Variants in BRINP2 observed in about 807,000 individuals in gnomAD.
The protein encoded by BRINP2 is BMP/retinoic acid inducible neural specific 2, also known as BMP/retinoic acid-inducible neural-specific protein 2.
A neutral mutation model predicts 69.2 loss-of-function variants in BRINP2; 21 were observed. The observed-to-expected ratio is 0.30, with a 90% CI of 0.22 to 0.44. The LOEUF is 0.44. Ranked by LOEUF, BRINP2 falls within the 20% of genes least tolerant of loss-of-function variation. BRINP2 has a pLI of 1.00. For missense variants in BRINP2, 877 were observed against 986.0 expected (o/e 0.89, Z 1.48); for synonymous variants, 380 against 394.1 (o/e 0.96, Z 0.42).
intron 4 of BRINP2, among the ~76,000 whole-genome samples, chr1:177,266,530 A>C (rs899075292): frequency 7.2e-5 from 11 of 151,796 alleles, no homozygotes; most frequent in Admixed American, 3.3e-4. Flanking sequence ...GAGGCCGAGG[A>C]GGGCGGATCA....
chr1:177,209,729 C>G (rs1248289751), intron 1 of BRINP2, among the ~76,000 whole-genome samples: 1 of 151,692 alleles, frequency 6.6e-6, no homozygotes, highest in East Asian at 1.9e-4. Context: ...AGCTAACACT[C>G]AGGTCTCACT....
intron 1 of BRINP2, among the ~76,000 whole-genome samples, chr1:177,219,590 T>C (rs549806887): frequency 2.6e-5 from 4 of 152,352 alleles, no homozygotes; most frequent in Admixed American, 6.5e-5. Context: ...CTGTAACATC[T>C]CAGGAGCTCT....
intron 1 of BRINP2, among the ~76,000 whole-genome samples, chr1:177,219,483 G>C (rs1443882268): frequency 6.6e-6 from 1 of 152,202 alleles, no homozygotes; most frequent in Non-Finnish European, 1.5e-5. Context: ...TAGAGTTTGT[G>C]ATGTAGCATC....
rs777525591 is a variant in BRINP2 at position 177,280,641 on chromosome 1, G to C, written c.1465G>C (p.Gly489Arg). The C allele has an allele frequency of 6.2e-7, 1 of 1,614,200 alleles. No individual in the cohort carries two copies. Among genetic ancestry groups the C allele is most frequent in the Non-Finnish European group, 8.5e-7 (1 of 1,180,032 alleles). Residue 489 changes from glycine (G) to arginine (R), a missense_variant, in exon 8 of 8, where the codon GGG (glycine) becomes CGG (arginine). This residue lies in a region of BRINP2 where 566 missense variants were observed against 625.2 expected (regional missense o/e 0.91). Coordinates refer to ENST00000361539, the MANE Select transcript of BRINP2 (RefSeq NM_021165.4). Reference protein sequence around the residue: ...SCNPGYVLAQGLCRPEVAESL... With the variant: ...SCNPGYVLAQRLCRPEVAESL... Reference sequence around the variant, plus strand: ...CAACCCGGGCTATGTGCTGGCCCAGGGGCTGTGCCGGCCAGAGGTGGCCGA... The same window carrying C: ...CAACCCGGGCTATGTGCTGGCCCAGCGGCTGTGCCGGCCAGAGGTGGCCGA...
intron 1 of BRINP2, among the ~76,000 whole-genome samples, chr1:177,181,841 G>A (rs1163140572): frequency 1.3e-5 from 2 of 152,180 alleles, no homozygotes; most frequent in Non-Finnish European, 2.9e-5. Context: ...CGGAAGCCTC[G>A]GGTCACTAGA....
At chr1:177,251,567 A>G (rs1230644163) in intron 2 of BRINP2, among the ~76,000 whole-genome samples, 3 of 152,154 alleles carry the variant, frequency 2.0e-5, no homozygotes, top group African/African-American at 4.8e-5. Flanking sequence ...AGTTGTGACT[A>G]TTGTCACCAC....
intron 4 of BRINP2, among the ~76,000 whole-genome samples, chr1:177,268,277 G>C (rs1466644989): frequency 6.6e-6 from 1 of 152,190 alleles, no homozygotes; most frequent in Admixed American, 6.5e-5. Flanking sequence ...CCAATAGCCT[G>C]GATATACACA....
intron 2 of BRINP2, among the ~76,000 whole-genome samples, chr1:177,241,372 T>A (rs1337836055): frequency 6.6e-6 from 1 of 152,140 alleles, no homozygotes; most frequent in East Asian, 1.9e-4. Flanking sequence ...TTGGTCCTGA[T>A]TTTGCTTTCT....
chr1:177,237,981 C>G (rs140351507), intron 2 of BRINP2, among the ~76,000 whole-genome samples: 7 of 152,246 alleles, frequency 4.6e-5, no homozygotes, highest in African/African-American at 1.7e-4. Context: ...CAGAGCTTCC[C>G]ACATATCCCA....
At chr1:177,178,829 G>A (rs73034422) in intron 1 of BRINP2, among the ~76,000 whole-genome samples, 123 of 152,236 alleles carry the variant, frequency 8.1e-4, no homozygotes, top group African/African-American at 2.9e-3. Context: ...CAGATAAAAG[G>A]TCTGCCCTCA....
At chr1:177,238,101 C>A (rs1438214593) in intron 2 of BRINP2, among the ~76,000 whole-genome samples, 1 of 152,190 alleles carries the variant, frequency 6.6e-6, no homozygotes, top group Non-Finnish European at 1.5e-5. Flanking sequence ...GGCCACTCTA[C>A]AAGGGCTGGG....
At chr1:177,254,722 G>A (rs1031172494) in intron 2 of BRINP2, among the ~76,000 whole-genome samples, 2 of 151,908 alleles carry the variant, frequency 1.3e-5, no homozygotes, top group African/African-American at 4.8e-5. Flanking sequence ...GCCAGACTCT[G>A]CAAGGAAAAC....
intron 1 of BRINP2, among the ~76,000 whole-genome samples, chr1:177,189,360 G>T (rs1051017098): frequency 6.6e-6 from 1 of 150,520 alleles, no homozygotes; most frequent in Non-Finnish European, 1.5e-5. Context: ...GACCTTCAGT[G>T]ACCAAACCTC....
chr1:177,184,344 C>T (rs17380303), intron 1 of BRINP2, among the ~76,000 whole-genome samples: 7,711 of 152,192 alleles, frequency 0.051, 224 homozygotes, highest in Admixed American at 0.062. Context: ...TTTCATCTAA[C>T]TTTTTGTGTA....
intron 2 of BRINP2, among the ~76,000 whole-genome samples, chr1:177,254,571 T>A (rs1349327384): frequency 6.6e-6 from 1 of 151,898 alleles, no homozygotes. Context: ...CAAGGAAAAA[T>A]ACTTTTGTGG....
chr1:177,200,406 G>A (rs1157380337), intron 1 of BRINP2, among the ~76,000 whole-genome samples: 2 of 148,128 alleles, frequency 1.4e-5, no homozygotes, highest in Non-Finnish European at 3.0e-5. Context: ...GTCACACTCA[G>A]ATGAAAATCT....
chr1:177,280,311 T>C (rs752385924), intron 7 of BRINP2, 101 bp from the exon 8 acceptor site: 52 of 1,218,638 alleles, frequency 4.3e-5, no homozygotes, highest in Non-Finnish European at 5.9e-5. Context: ...ATTTTCCTCA[T>C]TGCCTTCCAC....
intron 2 of BRINP2, among the ~76,000 whole-genome samples, chr1:177,254,376 A>G (rs1443609050): frequency 1.5e-5 from 2 of 136,192 alleles, no homozygotes; most frequent in Admixed American, 1.5e-4. Flanking sequence ...ATAAGCACAC[A>G]TGCACACACA....
intron 4 of BRINP2, among the ~76,000 whole-genome samples, chr1:177,263,814 T>C (rs1235495187): frequency 6.6e-6 from 1 of 152,090 alleles, no homozygotes; most frequent in African/African-American, 2.4e-5. Flanking sequence ...AACTCACTGA[T>C]GTGATTTTTT....
Sources: allele counts gnomAD v4.1 joint callset (sites outside exome capture counted in the v4.1 genomes callset), GRCh38; gene constraint gnomAD v4.1.1; regional missense constraint gnomAD v4.1.1; transcripts MANE v1.5; gene names NCBI Gene and HGNC (gene_info 2026-07-23, HGNC 2026-07-21).